GRM5: variants seen among roughly 807,000 people sequenced by gnomAD.
GRM5 encodes the protein metabotropic glutamate receptor 5.
Under a neutral mutation model 83.1 loss-of-function variants are expected in GRM5, and 19 were observed. The observed-to-expected ratio is 0.23, with a 90% CI of 0.16 to 0.34. The LOEUF is 0.34. Ranked by LOEUF, GRM5 falls within the 10% of genes least tolerant of loss-of-function variation. GRM5 has a pLI of 1.00. For missense variants in GRM5, 1,160 were observed against 1,588.3 expected (o/e 0.73, Z 4.58); for synonymous variants, 675 against 633.6 (o/e 1.07, Z -0.98).
intron 9 of GRM5, among the ~76,000 whole-genome samples, chr11:88,524,214 C>CTTTTTTTTTTTT (rs71470770): frequency 1.7e-4 from 17 of 101,400 alleles, no homozygotes; most frequent in East Asian, 2.7e-4. Context: ...TTCTTTCTTT[C>CTTTTTTTTTTTT]TTTTTTTTTT....
intron 3 of GRM5, among the ~76,000 whole-genome samples, chr11:88,755,367 T>C (rs544530480): frequency 6.6e-6 from 1 of 152,268 alleles, no homozygotes; most frequent in South Asian, 2.1e-4. Context: ...AAATTAATTT[T>C]TTCATATAAA....
chr11:88,694,594 A>C (rs549888299), intron 3 of GRM5, among the ~76,000 whole-genome samples: 2 of 152,016 alleles, frequency 1.3e-5, no homozygotes, highest in Non-Finnish European at 2.9e-5. Flanking sequence ...GAGCTTGAAA[A>C]GTGTTAAACT....
At chr11:88,818,143 T>G (rs919112248) in intron 3 of GRM5, among the ~76,000 whole-genome samples, 7 of 151,830 alleles carry the variant, frequency 4.6e-5, no homozygotes, top group Admixed American at 3.3e-4. Flanking sequence ...AAAGAAAAAA[T>G]AAAAATGAAT....
intron 4 of GRM5, among the ~76,000 whole-genome samples, chr11:88,627,292 C>T (rs1029409878): frequency 1.6e-4 from 25 of 152,148 alleles, no homozygotes; most frequent in African/African-American, 6.0e-4. Flanking sequence ...TCCATAAACC[C>T]ACCACTCACA....
At chr11:88,739,782 G>A (rs1162224436) in intron 3 of GRM5, among the ~76,000 whole-genome samples, 4 of 152,030 alleles carry the variant, frequency 2.6e-5, no homozygotes, top group African/African-American at 9.7e-5. Context: ...CAGCCATGTG[G>A]AACTGTGGGT....
chr11:88,796,953 C>G (rs1361941051), intron 3 of GRM5, among the ~76,000 whole-genome samples: 4 of 147,930 alleles, frequency 2.7e-5, no homozygotes, highest in Non-Finnish European at 6.0e-5. Context: ...CAGAAACAAG[C>G]ATAGTTTTAT....
At chr11:89,063,320 C>A (rs527468121) in intron 1 of GRM5, among the ~76,000 whole-genome samples, 1 of 152,152 alleles carries the variant, frequency 6.6e-6, no homozygotes, top group Admixed American at 6.5e-5. Context: ...TAAGGCTGTT[C>A]GCAAATGGAA....
chr11:88,907,142 C>T (rs1270425621), intron 2 of GRM5, among the ~76,000 whole-genome samples: 1 of 151,924 alleles, frequency 6.6e-6, no homozygotes, highest in African/African-American at 2.4e-5. Context: ...GCCACATGTC[C>T]TCATCTATAT....
At chr11:88,569,228 G>A (rs1015609349) in intron 7 of GRM5, among the ~76,000 whole-genome samples, 27 of 152,178 alleles carry the variant, frequency 1.8e-4, no homozygotes, top group Admixed American at 1.7e-3. Flanking sequence ...TGCAACCAAA[G>A]TTGAGAACCA....
intron 2 of GRM5, among the ~76,000 whole-genome samples, chr11:88,974,094 T>C (rs1385797578): frequency 6.6e-6 from 1 of 152,114 alleles, no homozygotes; most frequent in African/African-American, 2.4e-5. Context: ...TCTACAGATA[T>C]CATATTTGTT....
At chr11:88,589,447 C>T (rs1937603523) in intron 7 of GRM5, among the ~76,000 whole-genome samples, 1 of 151,984 alleles carries the variant, frequency 6.6e-6, no homozygotes, top group Non-Finnish European at 1.5e-5. Context: ...CTCCTGTATA[C>T]ATACCAATCA....
intron 2 of GRM5, among the ~76,000 whole-genome samples, chr11:88,974,681 T>G (rs528214310): frequency 6.6e-6 from 1 of 152,266 alleles, no homozygotes; most frequent in South Asian, 2.1e-4. Flanking sequence ...TCATGATTTT[T>G]TGTCTTAGAT....
chr11:88,667,205 G>A (rs988309822), intron 3 of GRM5, among the ~76,000 whole-genome samples: 1 of 152,032 alleles, frequency 6.6e-6, no homozygotes, highest in Non-Finnish European at 1.5e-5. Context: ...TATCCAGACT[G>A]AAACATGGAA....
chr11:88,862,843 G>C (rs1200708739), intron 2 of GRM5, among the ~76,000 whole-genome samples: 1 of 151,704 alleles, frequency 6.6e-6, no homozygotes, highest in Non-Finnish European at 1.5e-5. Context: ...ACAGAATAGG[G>C]AAAAATGTTT....
chr11:89,010,325 A>G (rs1940660716), intron 2 of GRM5, among the ~76,000 whole-genome samples: 1 of 152,176 alleles, frequency 6.6e-6, no homozygotes, highest in Admixed American at 6.5e-5. Flanking sequence ...TACCCTATAA[A>G]CATGGCCCAC....
At chr11:88,606,974 A>G (rs1296245000) in intron 4 of GRM5, among the ~76,000 whole-genome samples, 2 of 151,526 alleles carry the variant, frequency 1.3e-5, no homozygotes, top group Non-Finnish European at 2.9e-5. Context: ...ACAACAAACA[A>G]CAACAACTCT....
intron 2 of GRM5, among the ~76,000 whole-genome samples, chr11:88,982,431 C>T (rs755047047): frequency 3.3e-5 from 5 of 151,990 alleles, no homozygotes; most frequent in Non-Finnish European, 5.9e-5. Context: ...AAAAGAACTC[C>T]ACCCATCTTA....
intron 1 of GRM5, among the ~76,000 whole-genome samples, chr11:89,064,693 G>GTCATGTTTCTCTAGAGA (rs1389137526): frequency 6.6e-6 from 1 of 151,678 alleles, no homozygotes; most frequent in East Asian, 2.0e-4. Context: ...CTTGTTCAAG[G>GTCATGTTTCTCTAGAGA]TCATGTTTCT....
At chr11:88,596,422 A>C (rs1217057102) in intron 6 of GRM5, among the ~76,000 whole-genome samples, 1 of 152,164 alleles carries the variant, frequency 6.6e-6, no homozygotes, top group African/African-American at 2.4e-5. Context: ...CAGTTTAATA[A>C]AAATTAAGTT....
Sources: gnomAD v4.1 joint callset for allele counts (sites outside exome capture counted in the v4.1 genomes callset) on GRCh38, gnomAD v4.1.1 for gene constraint, MANE v1.5 for transcripts, NCBI Gene and HGNC (gene_info 2026-07-23, HGNC 2026-07-21) for gene names.